The following MAPK10 variants were observed in gnomAD, a reference collection of about 807,000 sequenced individuals.
MAPK10 encodes mitogen-activated protein kinase 10.
MAPK10 carries 25 observed loss-of-function variants against 59.3 expected under a neutral mutation model. That is an observed-to-expected ratio of 0.42 (90% confidence interval 0.31 to 0.59). The LOEUF is 0.59. MAPK10 is among the 20% of genes least tolerant of loss of function. MAPK10 has a pLI of 0.15. For synonymous variants in MAPK10, 190 were observed against 200.5 expected (o/e 0.95, Z 0.44); for missense variants, 351 against 568.9 (o/e 0.62, Z 3.90).
chr4:86,543,019 A>C (rs1758847074), intron 1 of MAPK10, among the ~76,000 whole-genome samples: 1 of 152,176 alleles, frequency 6.6e-6, no homozygotes, highest in South Asian at 2.1e-4. Context: ...TCAGAGCCTC[A>C]GAGGGCAAGG....
chr4:86,262,321 C>G (rs759509314), intron 2 of MAPK10, among the ~76,000 whole-genome samples: 1 of 152,050 alleles, frequency 6.6e-6, no homozygotes, highest in Non-Finnish European at 1.5e-5. Flanking sequence ...ATGGGTCCCT[C>G]GACCTCGGAT....
At chr4:86,113,701 C>G (rs1282262741) in intron 4 of MAPK10, among the ~76,000 whole-genome samples, 4 of 152,096 alleles carry the variant, frequency 2.6e-5, no homozygotes, top group African/African-American at 9.7e-5. Context: ...TGGAGTTGAT[C>G]TTCTCATAGA....
At chr4:86,522,566 T>TAA (rs57068251) in intron 1 of MAPK10, among the ~76,000 whole-genome samples, 3 of 149,062 alleles carry the variant, frequency 2.0e-5, no homozygotes, top group Admixed American at 1.3e-4. Context: ...CATTTAAACT[T>TAA]AAAAAAAAAA....
intron 1 of MAPK10, among the ~76,000 whole-genome samples, chr4:86,547,889 G>A (rs1250032741): frequency 6.6e-6 from 1 of 152,182 alleles, no homozygotes; most frequent in East Asian, 1.9e-4. Flanking sequence ...GGGCCTTAGA[G>A]AACCTTTATG....
chr4:86,092,193 G>A (rs1004688011), intron 9 of MAPK10, among the ~76,000 whole-genome samples: 4 of 151,952 alleles, frequency 2.6e-5, no homozygotes, highest in African/African-American at 9.7e-5. Flanking sequence ...TGTACATATT[G>A]AATTTCATTT....
At chr4:86,375,469 C>T (rs1407684719) in intron 1 of MAPK10, among the ~76,000 whole-genome samples, 1 of 146,506 alleles carries the variant, frequency 6.8e-6, no homozygotes, top group Non-Finnish European at 1.6e-5. Flanking sequence ...ACCTGTAATC[C>T]CAGCACTTTG....
intron 1 of MAPK10, among the ~76,000 whole-genome samples, chr4:86,378,786 TC>T (rs1465513034): frequency 6.6e-6 from 1 of 151,924 alleles, no homozygotes; most frequent in Non-Finnish European, 1.5e-5. Context: ...CGGGAGAGAG[TC>T]ACATAAATCC....
chr4:86,098,300 G>A (rs2149065417), intron 9 of MAPK10: 2 of 441,270 alleles, frequency 4.5e-6, no homozygotes, highest in East Asian at 7.9e-5. Context: ...AGGCAAGAAA[G>A]TAATTTTAGA....
chr4:86,029,241 T>C lies in MAPK10; in HGVS notation c.1208A>G (p.Glu403Gly). The stretch of plus-strand genomic sequence containing the variant: ...TTTTACTACACCATTTTTAGTCTTT[T>C]CTTCTGAATTCATTACTTCCTTGTA... ...LIYKEVMNSE[E>G]KTKNGVVKGQ... is the part of the protein sequence containing the mutation. The change falls in exon 13 of 14, where the codon GAA (glutamate) becomes GGA (glycine). Residue 403 changes from glutamate (E) to glycine (G), a missense_variant. Physicochemically the swap from Glu to Gly is moderately conservative, Grantham distance 98 (BLOSUM62 -2). Transcript: ENST00000641462. 1 of 1,611,472 alleles carries C rather than the reference T, an allele frequency of 6.2e-7. No individual in the cohort carries two copies. Among genetic ancestry groups the C allele is most frequent in the Non-Finnish European group, 8.5e-7 (1 of 1,178,002 alleles).
chr4:86,582,125 T>C (rs563091009), intron 1 of MAPK10, among the ~76,000 whole-genome samples: 497 of 151,656 alleles, frequency 3.3e-3, no homozygotes, highest in Non-Finnish European at 2.9e-3. Context: ...AAATCGTTTA[T>C]TGTTTGTAAT....
At chr4:86,430,844 T>C (rs191054352) in intron 1 of MAPK10, among the ~76,000 whole-genome samples, 254 of 152,314 alleles carry the variant, frequency 1.7e-3, no homozygotes, top group African/African-American at 6.0e-3. Flanking sequence ...AGAGAAGTCT[T>C]GTAAGTCAAT....
chr4:86,421,782 A>G (rs930839740), intron 1 of MAPK10, among the ~76,000 whole-genome samples: 1 of 152,336 alleles, frequency 6.6e-6, no homozygotes, highest in African/African-American at 2.4e-5. Flanking sequence ...TAAAAGCATA[A>G]GTAGGATCGT....
At chr4:86,357,480 T>A (rs1735108675) in intron 1 of MAPK10, among the ~76,000 whole-genome samples, 1 of 152,216 alleles carries the variant, frequency 6.6e-6, no homozygotes, top group Non-Finnish European at 1.5e-5. Flanking sequence ...ATGATGTTCC[T>A]GTAGGATATC....
chr4:86,401,962 G>C (rs1743782760), intron 1 of MAPK10, among the ~76,000 whole-genome samples: 1 of 152,056 alleles, frequency 6.6e-6, no homozygotes, highest in South Asian at 2.1e-4. Flanking sequence ...TACTGTCAGA[G>C]CTCCAGGGGT....
At chr4:86,020,980 C>A (rs1476131667) in intron 13 of MAPK10, 1 of 152,262 alleles carries the variant, frequency 6.6e-6, no homozygotes, top group African/African-American at 2.4e-5. Context: ...CCACATCCTG[C>A]TGATTGGTAG....
intron 1 of MAPK10, among the ~76,000 whole-genome samples, chr4:86,578,507 A>G (rs1762047984): frequency 6.6e-6 from 1 of 152,168 alleles, no homozygotes; most frequent in African/African-American, 2.4e-5. Context: ...ATAACCTGAG[A>G]TGGAGAATAA....
At chr4:86,483,317 A>G (rs1187369300) in intron 1 of MAPK10, among the ~76,000 whole-genome samples, 1 of 152,178 alleles carries the variant, frequency 6.6e-6, no homozygotes, top group African/African-American at 2.4e-5. Context: ...ACTTAACAAA[A>G]GACACTGCAT....
chr4:86,117,066 A>G (rs1418912248), intron 4 of MAPK10, among the ~76,000 whole-genome samples: 1 of 152,230 alleles, frequency 6.6e-6, no homozygotes, highest in African/African-American at 2.4e-5. Context: ...ATATCCCATG[A>G]CATCATAAAA....
At chr4:86,120,955 A>C (rs1448900345) in intron 4 of MAPK10, among the ~76,000 whole-genome samples, 1 of 152,228 alleles carries the variant, frequency 6.6e-6, no homozygotes, top group East Asian at 1.9e-4. Context: ...TTCCGACAGA[A>C]ATAAATAAAA....
Sources: gnomAD v4.1 joint callset for allele counts (sites outside exome capture counted in the v4.1 genomes callset) on GRCh38, gnomAD v4.1.1 for gene constraint, MANE v1.5 for transcripts, NCBI Gene and HGNC (gene_info 2026-07-23, HGNC 2026-07-21) for gene names.